Variants in DDAH1 observed in about 807,000 individuals in gnomAD.
DDAH1 encodes dimethylarginine dimethylaminohydrolase 1.
Under a neutral mutation model 28.8 loss-of-function variants are expected in DDAH1, and 19 were observed. That is an observed-to-expected ratio of 0.66 (90% CI 0.46 to 0.97). DDAH1 has a LOEUF of 0.97. Ranked by LOEUF, DDAH1 falls within the 50% of genes least tolerant of loss-of-function variation. The pLI, the probability that DDAH1 is intolerant of heterozygous loss-of-function variation, is 0.00. For missense variants in DDAH1, 326 were observed against 375.9 expected, an observed-to-expected ratio of 0.87 and a Z score of 1.10; for synonymous variants, 153 against 154.4, an observed-to-expected ratio of 0.99 and a Z score of 0.07.
rs529332351 is a variant in DDAH1 at position 85,372,183 on chromosome 1, T to G, written c.304-13336A>C. Among the ~76,000 whole-genome samples the G allele has an allele frequency of 2.6e-5, 4 of 152,282 alleles. No individual in the cohort carries two copies. The South Asian group carries it at 6.2e-4, about 24-fold the overall frequency. ...AATGATTTTGTAAATATTCACCCTT[T>G]GTCATATGTTCATACATTTGCTTCT... On this transcript the variant is annotated intron_variant, in intron 1 of 5. Coordinates refer to ENST00000284031, the MANE Select transcript of DDAH1 (RefSeq NM_012137.4).
intron 1 of DDAH1, among the ~76,000 whole-genome samples, chr1:85,542,731 C>T (rs913777412): frequency 5.9e-4 from 90 of 152,190 alleles, no homozygotes; most frequent in African/African-American, 2.2e-3. Context: ...ACACATATGA[C>T]CTCCTGTCAT....
chr1:85,465,007 G>T lies in DDAH1; in HGVS notation c.39C>A (p.Ala13=), dbSNP rs577658938. ...GLGHPAAFGR[A]THAVVRALPE... ...GTAGCGCCCGCACCACGGCGTGGGT[G>T]GCCCGGCCGAAGGCGGCGGGGTGGC... Residue 13 remains alanine, a synonymous_variant, in exon 1 of 6, where the codon GCC becomes GCA. Transcript: ENST00000284031. 5.2e-6 allele frequency: 7 copies of T among 1,354,572 alleles called. No individual in the cohort carries two copies. The South Asian group carries it at 1.1e-4, about 21-fold the overall frequency. 83.9% of individuals were successfully genotyped at this position (1,354,572 alleles called of 1,614,324 possible).
chr1:85,355,890 G>T (rs1454959268), intron 2 of DDAH1, among the ~76,000 whole-genome samples: 1 of 152,168 alleles, frequency 6.6e-6, no homozygotes, highest in Admixed American at 6.5e-5. Flanking sequence ...CATATAATGT[G>T]ACTCTAATAA....
intron 1 of DDAH1, among the ~76,000 whole-genome samples, chr1:85,400,177 CTTTTTTTTTT>C (rs61677601): frequency 1.3e-4 from 7 of 54,962 alleles, no homozygotes; most frequent in East Asian, 7.3e-4. Context: ...CTTTTCTTTT[CTTTTTTTTTT>C]TTTTTTTTTT....
At chr1:85,526,665 G>T (rs1269035998) in intron 1 of DDAH1, among the ~76,000 whole-genome samples, 3 of 147,940 alleles carry the variant, frequency 2.0e-5, no homozygotes, top group South Asian at 2.2e-4. Flanking sequence ...GGGGTAAAGA[G>T]AATTCTAGGC....
intron 1 of DDAH1, among the ~76,000 whole-genome samples, chr1:85,511,361 G>A (rs1657224771): frequency 6.6e-6 from 1 of 152,166 alleles, no homozygotes; most frequent in Non-Finnish European, 1.5e-5. Flanking sequence ...GTGTGTAGAG[G>A]GAAATTTATA....
chr1:85,502,777 CT>C (rs1383491598), intron 1 of DDAH1, among the ~76,000 whole-genome samples: 1 of 152,220 alleles, frequency 6.6e-6, no homozygotes. Flanking sequence ...TCCTCTTTTG[CT>C]GCTTCTCTTC....
intron 1 of DDAH1, among the ~76,000 whole-genome samples, chr1:85,410,410 C>A (rs1223293352): frequency 2.6e-5 from 4 of 152,148 alleles, no homozygotes; most frequent in African/African-American, 9.6e-5. Context: ...GAGGCTGAGG[C>A]GGGTGGATCA....
intron 1 of DDAH1, among the ~76,000 whole-genome samples, chr1:85,411,250 T>C (rs1367078324): frequency 6.6e-6 from 1 of 152,190 alleles, no homozygotes; most frequent in Admixed American, 6.5e-5. Flanking sequence ...CAATAAATTG[T>C]TATGAATTGC....
intron 1 of DDAH1, among the ~76,000 whole-genome samples, chr1:85,367,845 A>T (rs1650155828): frequency 6.6e-6 from 1 of 152,184 alleles, no homozygotes; most frequent in African/African-American, 2.4e-5. Flanking sequence ...TGAGCCTTTG[A>T]TGACATTTTG....
chr1:85,430,344 C>T (rs933828023), intron 1 of DDAH1, among the ~76,000 whole-genome samples: 2 of 152,088 alleles, frequency 1.3e-5, no homozygotes, highest in Non-Finnish European at 2.9e-5. Flanking sequence ...ATGCCTCCAG[C>T]TTTGTTCTTT....
intron 4 of DDAH1, among the ~76,000 whole-genome samples, chr1:85,343,719 T>A (rs1406852705): frequency 6.6e-6 from 1 of 152,388 alleles, no homozygotes; most frequent in African/African-American, 2.4e-5. Context: ...TCATTCTGTC[T>A]TTTGGGTTTT....
chr1:85,343,996 G>A (rs1332563679), intron 4 of DDAH1, among the ~76,000 whole-genome samples: 1 of 152,166 alleles, frequency 6.6e-6, no homozygotes, highest in East Asian at 1.9e-4. Context: ...GTTCATTCAA[G>A]GAATGTTAGA....
intron 5 of DDAH1, among the ~76,000 whole-genome samples, chr1:85,324,282 A>AATAATAATAATAATAAT (rs1647228177): frequency 2.0e-5 from 3 of 148,058 alleles, no homozygotes; most frequent in South Asian, 2.1e-4. Flanking sequence ...AAATAATAAT[A>AATAATAATAATAATAAT]ATAATAATAA....
At chr1:85,565,505 G>C (rs1044031425) in intron 1 of DDAH1, among the ~76,000 whole-genome samples, 1 of 151,938 alleles carries the variant, frequency 6.6e-6, no homozygotes, top group Admixed American at 6.6e-5. Flanking sequence ...TGGGTGAAGG[G>C]CTCATTAGAT....
chr1:85,573,372 T>G (rs1307016934), intron 1 of DDAH1, among the ~76,000 whole-genome samples: 1 of 152,254 alleles, frequency 6.6e-6, no homozygotes, highest in African/African-American at 2.4e-5. Flanking sequence ...GGTTAATTGC[T>G]GATTCTCTCA....
chr1:85,498,428 AAGT>A (rs1253334123), intron 1 of DDAH1, among the ~76,000 whole-genome samples: 1 of 152,232 alleles, frequency 6.6e-6, no homozygotes, highest in Non-Finnish European at 1.5e-5. Context: ...ACTTATGTAG[AAGT>A]ATGACAATAG....
At chr1:85,496,278 GA>G (rs1656591606) in exon 2 of DDAH1, 2 of 949,894 alleles carry the variant, frequency 2.1e-6, no homozygotes, top group Non-Finnish European at 2.5e-6. Context: ...CCATACAGAT[GA>G]AACTGCAAAT....
chr1:85,344,054 T>C lies in DDAH1; in HGVS notation c.597+6361A>G, dbSNP rs552068682. The stretch of plus-strand genomic sequence containing the variant: ...AGTAGATAAGAAACCTAAAAGACAT[T>C]TCCATTGAGATGCATTGTGAGCATT... On this transcript the variant is annotated intron_variant, in intron 4 of 5. Transcript: ENST00000284031. 3.9e-5 allele frequency among the ~76,000 whole-genome samples: 6 copies of C among 152,282 alleles called. No individual in the cohort carries two copies. The South Asian group carries it at 6.2e-4, about 16-fold the overall frequency.
Sources: gnomAD v4.1 joint callset for allele counts (sites outside exome capture counted in the v4.1 genomes callset) on GRCh38, gnomAD v4.1.1 for gene constraint, MANE v1.5 for transcripts, NCBI Gene and HGNC (gene_info 2026-07-23, HGNC 2026-07-21) for gene names.